The following IGLON5 variants were observed in gnomAD, a reference collection of about 807,000 sequenced individuals.
IGLON5 encodes the protein Ig-like domain-containing protein ENSP00000270642.
Under a neutral mutation model 38.2 loss-of-function variants are expected in IGLON5, and 16 were observed. The observed-to-expected ratio is 0.42, with a 90% CI of 0.28 to 0.64. The LOEUF is 0.64. IGLON5 is among the 30% of genes least tolerant of loss of function. IGLON5 has a pLI of 0.23. For missense variants in IGLON5, 366 were observed against 483.4 expected (o/e 0.76, Z 2.28); for synonymous variants, 207 against 216.4 (o/e 0.96, Z 0.38).
At position 51,324,186 on chromosome 19, in the gene IGLON5, A is replaced by G. The variant is rs1985157667; in HGVS notation, c.391+292A>G. Among the ~76,000 whole-genome samples, 1 of 152,208 alleles carries G rather than the reference A, an allele frequency of 6.6e-6. No individual in the cohort carries two copies. The highest frequency in any genetic ancestry group is 1.5e-5 in the Non-Finnish European group (1 of 68,034). On this transcript the variant is annotated intron_variant, in intron 3 of 7. Coordinates refer to ENST00000270642, the MANE Select transcript of IGLON5 (RefSeq NM_001101372.3). This position sits in a 1 kb window ranked among gnomAD's most constrained non-coding sequence, Gnocchi z 4.2. ...CCTGGAGGGCCTACTCTGTGTAAGC[A>G]TTGATCTACAGAACAAGGCAGGCTG...
intron 2 of IGLON5, among the ~76,000 whole-genome samples, chr19:51,322,434 AAG>A (rs1344409940): frequency 1.4e-5 from 2 of 147,628 alleles, no homozygotes; most frequent in African/African-American, 5.3e-5. Context: ...ATCCAGAGAG[AAG>A]GGGACAGAGA....
intron 1 of IGLON5, among the ~76,000 whole-genome samples, chr19:51,317,721 A>G (rs1377422246): frequency 6.6e-6 from 1 of 152,212 alleles, no homozygotes; most frequent in Admixed American, 6.5e-5. Context: ...TGCTGTTAGG[A>G]ACCGCTAGCA....
At chr19:51,312,492 A>G (rs1984792289) in intron 1 of IGLON5, among the ~76,000 whole-genome samples, 1 of 152,044 alleles carries the variant, frequency 6.6e-6, no homozygotes, top group African/African-American at 2.4e-5. Flanking sequence ...AGGGTCAGGA[A>G]AAGAGGGGAA....
chr19:51,323,863 G>A lies in IGLON5; in HGVS notation c.360G>A (p.Pro120=), dbSNP rs367793401. ...YTCSFQTRHQ[P]YTTQVYLIVH... ...GCTCCTTCCAGACCCGCCACCAGCC[G>A]TACACCACTCAGGTCTACCTCATTG... The change falls in exon 3 of 8, where the codon CCG becomes CCA. Residue 120 remains proline, a synonymous_variant. Coordinates refer to ENST00000270642, the MANE Select transcript of IGLON5 (RefSeq NM_001101372.3). The A allele has an allele frequency of 2.6e-4, 425 of 1,612,916 alleles. 1 individual carries two copies. The highest frequency in any genetic ancestry group is 3.4e-4 in the Non-Finnish European group (398 of 1,179,374).
In IGLON5 at chr19:51,317,030, A is replaced by G. The variant is rs369871752; in HGVS notation, c.80-5034A>G. Among the ~76,000 whole-genome samples, 107 of 147,948 alleles carry G rather than the reference A, an allele frequency of 7.2e-4. 1 individual carries two copies. The South Asian group carries it at 0.022, about 30-fold the overall frequency. On this transcript the variant is annotated intron_variant, in intron 1 of 7. Coordinates refer to ENST00000270642, the MANE Select transcript of IGLON5 (RefSeq NM_001101372.3). ...CCTCCCGACCCCTGCCAACCATTTC[A>G]GGGTTCCAGCTTTGCCTAAGCTCCT...
chr19:51,327,844 G>A lies in IGLON5; in HGVS notation c.880G>A (p.Ala294Thr). 4.5e-6 allele frequency: 7 copies of A among 1,543,994 alleles called. No homozygotes were observed. Among genetic ancestry groups the A allele is most frequent in the Non-Finnish European group, 6.1e-6 (7 of 1,144,448 alleles). Reference protein sequence around the residue: ...RHYGNYTCRAANRLGASSASM... With the variant: ...RHYGNYTCRATNRLGASSASM... ...TTACGGCAACTATACGTGTCGCGCC[G>A]CCAACCGACTGGGAGCGTCCAGCGC... Residue 294 changes from alanine (A) to threonine (T), a missense_variant, in exon 7 of 8, where the codon GCC (alanine) becomes ACC (threonine). Coordinates refer to ENST00000270642, the MANE Select transcript of IGLON5 (RefSeq NM_001101372.3). This position sits in a 1 kb window ranked among gnomAD's most constrained non-coding sequence, Gnocchi z 7.1.
intron 1 of IGLON5, among the ~76,000 whole-genome samples, chr19:51,314,044 CTCCTTG>C (rs1984849882): frequency 6.6e-6 from 1 of 151,586 alleles, no homozygotes; most frequent in South Asian, 2.1e-4. Flanking sequence ...CTTTCTTTCT[CTCCTTG>C]TCCTTATCTC....
intron 1 of IGLON5, among the ~76,000 whole-genome samples, chr19:51,313,195 C>G (rs1343383701): frequency 1.3e-5 from 2 of 152,220 alleles, no homozygotes; most frequent in Non-Finnish European, 2.9e-5. Context: ...CAGCCTCAGT[C>G]CCTTGCTAGT....
intron 7 of IGLON5, among the ~76,000 whole-genome samples, 160 bp from the exon 8 acceptor site, chr19:51,328,505 GAAAAAA>G (rs61422289): frequency 1.8e-5 from 2 of 111,152 alleles, no homozygotes; most frequent in African/African-American, 2.9e-5. Flanking sequence ...CTCAAAAAAA[GAAAAAA>G]AAAAAAAAAA....
At chr19:51,328,445 G>C (rs1427058254) in intron 7 of IGLON5, among the ~76,000 whole-genome samples, 1 of 150,376 alleles carries the variant, frequency 6.6e-6, no homozygotes, top group East Asian at 2.0e-4. Context: ...CTGGGAGGCA[G>C]AGGTTACAGT....
intron 1 of IGLON5, among the ~76,000 whole-genome samples, chr19:51,312,407 G>A (rs1984790367): frequency 6.6e-6 from 1 of 152,122 alleles, no homozygotes; most frequent in Admixed American, 6.5e-5. Context: ...GTCATCTCGG[G>A]ACAGAGGTCA....
rs933726790 is a variant in IGLON5, at chr19:51,320,883, G to A, written c.80-1181G>A. Among the ~76,000 whole-genome samples, 49 of 152,142 alleles carry A rather than the reference G, an allele frequency of 3.2e-4. 2 individuals carry two copies. The highest frequency in any genetic ancestry group is 6.5e-5 in the Admixed American group (1 of 15,272). Reference sequence around the variant, plus strand: ...TGCATCTGTGTACTTGTGGGCCTGTGTGTATATATTTGTGTGTATTCACGT... The same window carrying A: ...TGCATCTGTGTACTTGTGGGCCTGTATGTATATATTTGTGTGTATTCACGT... On this transcript the variant is annotated intron_variant, in intron 1 of 7. Transcript: ENST00000270642.
chr19:51,326,705 T>A (rs2123534667), intron 4 of IGLON5, 59 bp from the exon 5 acceptor site: 1 of 1,221,296 alleles, frequency 8.2e-7, no homozygotes, highest in East Asian at 4.7e-5. Flanking sequence ...TGTGCCCGTG[T>A]TGTCCCGTGT....
Position 51,325,830 on chromosome 19 carries a change from C to T in IGLON5, c.511+365C>T, listed in dbSNP as rs1235773484. ...AAGCCAGGCTGCACCAGCGGTCCTGCGTACATCTCTGCCTCTCTCTTCTGC... is the reference window on the plus strand; with the variant it reads ...AAGCCAGGCTGCACCAGCGGTCCTGTGTACATCTCTGCCTCTCTCTTCTGC... On this transcript the variant is annotated intron_variant, in intron 4 of 7. Coordinates refer to ENST00000270642, the MANE Select transcript of IGLON5 (RefSeq NM_001101372.3). This position sits in a 1 kb window ranked among gnomAD's most constrained non-coding sequence, Gnocchi z 5.5. Among the ~76,000 whole-genome samples the T allele has an allele frequency of 2.2e-5, 3 of 135,646 alleles. No individual in the cohort carries two copies. The highest frequency in any genetic ancestry group is 2.2e-4 in the South Asian group (1 of 4,638). The allele number at this position is 135,646 out of a possible 152,430, so 89.0% of individuals were successfully genotyped here.
At chr19:51,319,212 G>A (rs993172314) in intron 1 of IGLON5, among the ~76,000 whole-genome samples, 9 of 152,174 alleles carry the variant, frequency 5.9e-5, no homozygotes, top group South Asian at 2.1e-4. Context: ...ATCTTGGTGC[G>A]TACATGTGAC....
At position 51,324,118 on chromosome 19, in the gene IGLON5, G is replaced by T. The variant is rs1176093948; in HGVS notation, c.391+224G>T. Among the ~76,000 whole-genome samples the T allele has an allele frequency of 6.6e-6, 1 of 152,144 alleles. No homozygotes were observed. Among genetic ancestry groups the T allele is most frequent in the African/African-American group, 2.4e-5 (1 of 41,428 alleles). On this transcript the variant is annotated intron_variant, in intron 3 of 7. Coordinates refer to ENST00000270642, the MANE Select transcript of IGLON5 (RefSeq NM_001101372.3). This position sits in a 1 kb window ranked among gnomAD's most constrained non-coding sequence, Gnocchi z 4.2. ...AGGGCAGGAGAGCTACAGGGATGAG[G>T]GGGTGCTTGGGGGAAGACCACGTTC... is the stretch of plus-strand genomic sequence containing the variant.
Position 51,325,393 on chromosome 19 carries a change from G to T in IGLON5, c.439G>T (p.Gly147Trp). Reference sequence around the variant, plus strand: ...CTCGTCGCCTGTGACGGTGAATGAGGGGGGCAATGTGAACCTGCTTTGCCT... The same window carrying T: ...CTCGTCGCCTGTGACGGTGAATGAGTGGGGCAATGTGAACCTGCTTTGCCT... ...NISSPVTVNE[G>W]GNVNLLCLAV... Residue 147 changes from glycine (G) to tryptophan (W), a missense_variant, in exon 4 of 8, where the codon GGG becomes TGG. Transcript: ENST00000270642. The surrounding 1 kb of genome is among the most constrained non-coding windows in gnomAD (Gnocchi z 5.5). 1 of 1,613,834 alleles carries T rather than the reference G, an allele frequency of 6.2e-7. No individual in the cohort carries two copies. The highest frequency in any genetic ancestry group is 1.1e-5 in the South Asian group (1 of 91,080).
chr19:51,327,336 T>C lies in IGLON5; in HGVS notation c.767+136T>C. 1 of 1,220,586 alleles carries C rather than the reference T, an allele frequency of 8.2e-7. No individual in the cohort carries two copies. Among genetic ancestry groups the C allele is most frequent in the Non-Finnish European group, 1.1e-6 (1 of 882,872 alleles). 75.6% of individuals were successfully genotyped at this position (1,220,586 alleles called of 1,614,324 possible). On this transcript the variant is annotated intron_variant, in intron 6 of 7. Coordinates refer to ENST00000270642, the MANE Select transcript of IGLON5 (RefSeq NM_001101372.3). This position sits in a 1 kb window ranked among gnomAD's most constrained non-coding sequence, Gnocchi z 7.1. ...TCCCGAACCTGGGGCGTCCAGCTTC[T>C]AGGTGATGGGATCTGTCCAGCCCCG...
Position 51,329,084 on chromosome 19 carries a change from G to A in IGLON5, c.*325G>A, listed in dbSNP as rs976068668. 1.7e-5 allele frequency: 3 copies of A among 179,112 alleles called. No homozygotes were observed. The Admixed American group carries it at 1.9e-4, about 11-fold the overall frequency. The allele number at this position is 179,112 out of a possible 1,614,324, so 11.1% of individuals were successfully genotyped here. On this transcript the variant is annotated 3_prime_UTR_variant, in exon 8 of 8. Coordinates refer to ENST00000270642, the MANE Select transcript of IGLON5 (RefSeq NM_001101372.3). This position sits in a 1 kb window ranked among gnomAD's most constrained non-coding sequence, Gnocchi z 4.3. ...CTTGTGTGGGTGTGGGTGTGTGAGT[G>A]TGAGCCTGCATGCATGTGTAGGTGT...
Sources: allele counts gnomAD v4.1 joint callset (sites outside exome capture counted in the v4.1 genomes callset), GRCh38; gene constraint gnomAD v4.1.1; non-coding constraint Gnocchi (gnomAD v3.1); transcripts MANE v1.5; gene names NCBI Gene and HGNC (gene_info 2026-07-23, HGNC 2026-07-21).